CSMD1: variants seen among roughly 807,000 people sequenced by gnomAD.
CSMD1 encodes the protein CUB and sushi domain-containing protein 1.
In CSMD1, 213 loss-of-function variants were observed where a neutral mutation model predicts 417.5. That is an observed-to-expected ratio of 0.51 (90% CI 0.46 to 0.57). The LOEUF (loss-of-function observed/expected upper bound fraction) is 0.57, where lower values mean the gene tolerates loss of function less well. CSMD1 is among the 20% of genes least tolerant of loss of function. The probability of loss-of-function intolerance (pLI) is 0.00; values close to 1 mark genes in which losing one functional copy is unlikely to be tolerated. For missense variants in CSMD1, 6,923 were observed against 4,529.7 expected, an observed-to-expected ratio of 1.53 and a Z score of -15.17; for synonymous variants, 2,862 against 1,736.8, an observed-to-expected ratio of 1.65 and a Z score of -16.11.
At chr8:3,952,987 T>C (rs994495374) in intron 5 of CSMD1, among the ~76,000 whole-genome samples, 8 of 147,588 alleles carry the variant, frequency 5.4e-5, no homozygotes, top group Non-Finnish European at 1.1e-4. Context: ...ATTTAAAAAT[T>C]AGAAAAATAA....
At chr8:3,553,472 T>C (rs1026540639) in intron 10 of CSMD1, among the ~76,000 whole-genome samples, 2 of 152,198 alleles carry the variant, frequency 1.3e-5, no homozygotes, top group Non-Finnish European at 2.9e-5. Context: ...GAAAAAAATT[T>C]GAAGAAGATA....
At chr8:3,412,178 A>G (rs978733704) in intron 12 of CSMD1, among the ~76,000 whole-genome samples, 8 of 146,018 alleles carry the variant, frequency 5.5e-5, no homozygotes, top group Admixed American at 2.8e-4. Context: ...ATATACATAT[A>G]TATACACACA....
intron 1 of CSMD1, among the ~76,000 whole-genome samples, chr8:4,925,606 G>T (rs926423424): frequency 6.6e-6 from 1 of 151,248 alleles, no homozygotes; most frequent in Non-Finnish European, 1.5e-5. Flanking sequence ...GAGTGCAGTG[G>T]TGCAGTCTCG....
chr8:4,446,893 T>C (rs1253224416), intron 2 of CSMD1, among the ~76,000 whole-genome samples: 6 of 151,408 alleles, frequency 4.0e-5, no homozygotes, highest in Admixed American at 1.3e-4. Flanking sequence ...TGTTCTGGGA[T>C]TACAGGCGTG....
At chr8:2,972,391 T>G (rs1472992231) in intron 57 of CSMD1, among the ~76,000 whole-genome samples, 1 of 152,180 alleles carries the variant, frequency 6.6e-6, no homozygotes, top group African/African-American at 2.4e-5. Context: ...GACTGAAAAT[T>G]TAATTGAGGA....
chr8:4,097,347 A>T (rs1801068330), intron 3 of CSMD1, among the ~76,000 whole-genome samples: 1 of 152,238 alleles, frequency 6.6e-6, no homozygotes. Flanking sequence ...CACCTTTATA[A>T]AATGTGTAAA....
intron 5 of CSMD1, among the ~76,000 whole-genome samples, chr8:3,854,015 A>C (rs1563147222): frequency 1.4e-5 from 2 of 146,102 alleles, no homozygotes; most frequent in African/African-American, 5.0e-5. Context: ...AACATATAAA[A>C]TATTATAAAT....
At chr8:4,723,410 G>T (rs1809192690) in intron 1 of CSMD1, among the ~76,000 whole-genome samples, 1 of 152,038 alleles carries the variant, frequency 6.6e-6, no homozygotes, top group Admixed American at 6.6e-5. Context: ...CAAAAAGAGG[G>T]TTTAATACTT....
chr8:3,293,586 A>G (rs968890642), intron 25 of CSMD1, among the ~76,000 whole-genome samples: 1 of 151,916 alleles, frequency 6.6e-6, no homozygotes, highest in Non-Finnish European at 1.5e-5. Context: ...TTCATCTTCC[A>G]TCACTGATAC....
intron 10 of CSMD1, among the ~76,000 whole-genome samples, chr8:3,525,461 G>C (rs535464624): frequency 6.6e-6 from 1 of 152,226 alleles, no homozygotes; most frequent in South Asian, 2.1e-4. Context: ...TTTTATAACT[G>C]ACAGCAGGAC....
At chr8:4,356,305 C>T (rs1017548358) in intron 3 of CSMD1, among the ~76,000 whole-genome samples, 4 of 149,854 alleles carry the variant, frequency 2.7e-5, no homozygotes, top group Non-Finnish European at 4.4e-5. Context: ...CTTATTATGG[C>T]TAAGTAGTAT....
Position 4,464,982 on chromosome 8 carries a change from T to G in CSMD1, c.303-44917A>C, listed in dbSNP as rs539453184. ...CCACTCATGATGCCACCAGAATGAC[T>G]TCTTTTTCCTGAACCCAGGAGCTAC... is the stretch of plus-strand genomic sequence containing the variant. On this transcript the variant is annotated intron_variant, in intron 2 of 69. Transcript: ENST00000635120. Among the ~76,000 whole-genome samples the G allele has an allele frequency of 4.6e-5, 7 of 152,100 alleles. No individual in the cohort carries two copies. The South Asian group carries it at 1.2e-3, about 27-fold the overall frequency.
intron 12 of CSMD1, among the ~76,000 whole-genome samples, chr8:3,445,824 G>C (rs1815268181): frequency 6.6e-6 from 1 of 152,244 alleles, no homozygotes; most frequent in South Asian, 2.1e-4. Flanking sequence ...AGGCAACTGA[G>C]GGATTATATC....
chr8:3,902,309 A>G (rs1807807764), intron 5 of CSMD1, among the ~76,000 whole-genome samples: 1 of 152,168 alleles, frequency 6.6e-6, no homozygotes, highest in Non-Finnish European at 1.5e-5. Flanking sequence ...CTGTTACTCC[A>G]ACTATTACCC....
At chr8:4,049,120 T>C (rs1585205220) in intron 3 of CSMD1, among the ~76,000 whole-genome samples, 1 of 152,172 alleles carries the variant, frequency 6.6e-6, no homozygotes, top group South Asian at 2.1e-4. Flanking sequence ...CATTCTTTTA[T>C]TTTTACAGCT....
intron 1 of CSMD1, among the ~76,000 whole-genome samples, chr8:4,751,157 G>T (rs149474273): frequency 6.6e-6 from 1 of 152,184 alleles, no homozygotes; most frequent in African/African-American, 2.4e-5. Flanking sequence ...GGCCGAGGTG[G>T]GTGGATCACC....
At chr8:3,087,406 C>G in intron 48 of CSMD1, 121 bp from the exon 49 acceptor site, 2 of 1,004,546 alleles carry the variant, frequency 2.0e-6, no homozygotes, top group South Asian at 1.5e-5. Context: ...GAAATGAGCA[C>G]CAGTATGTAA....
At chr8:3,698,802 G>A (rs1395953053) in intron 7 of CSMD1, among the ~76,000 whole-genome samples, 1 of 152,162 alleles carries the variant, frequency 6.6e-6, no homozygotes, top group Non-Finnish European at 1.5e-5. Flanking sequence ...CTGGTTATCT[G>A]GAAAATTATG....
At chr8:3,157,046 T>C (rs1481883600) in intron 39 of CSMD1, among the ~76,000 whole-genome samples, 1 of 143,480 alleles carries the variant, frequency 7.0e-6, no homozygotes, top group Non-Finnish European at 1.5e-5. Context: ...AGGAAGTAGA[T>C]CCAGGAGAAC....
Sources: gnomAD v4.1 joint callset for allele counts (sites outside exome capture counted in the v4.1 genomes callset) on GRCh38, gnomAD v4.1.1 for gene constraint, MANE v1.5 for transcripts, NCBI Gene and HGNC (gene_info 2026-07-23, HGNC 2026-07-21) for gene names.